PPP2R5A: variants seen among roughly 807,000 people sequenced by gnomAD.
PPP2R5A encodes the protein serine/threonine-protein phosphatase 2A 56 kDa regulatory subunit alpha isoform.
A neutral mutation model predicts 64.2 loss-of-function variants in PPP2R5A; 25 were observed. The ratio of observed to expected loss-of-function variants is 0.39; its 90% CI spans 0.28 to 0.54. PPP2R5A has a LOEUF of 0.54. PPP2R5A is among the 20% of genes least tolerant of loss of function. PPP2R5A has a pLI of 0.67. For missense variants in PPP2R5A, 425 were observed against 576.3 expected, an observed-to-expected ratio of 0.74 and a Z score of 2.69; for synonymous variants, 198 against 201.2, an observed-to-expected ratio of 0.98 and a Z score of 0.13.
At chr1:212,316,452 C>T (rs1389282778) in intron 1 of PPP2R5A, among the ~76,000 whole-genome samples, 2 of 152,142 alleles carry the variant, frequency 1.3e-5, no homozygotes, top group Non-Finnish European at 2.9e-5. Flanking sequence ...CTTCCTGAAC[C>T]TCTGTACTTA....
At position 212,285,428 on chromosome 1, in the gene PPP2R5A, CCTT is replaced by C. The variant is rs2102407071; in HGVS notation, c.-680_-678del. 1 of 152,434 alleles carries C rather than the reference CCTT, an allele frequency of 6.6e-6. No individual in the cohort carries two copies. Among genetic ancestry groups the C allele is most frequent in the East Asian group, 1.9e-4 (1 of 5,170 alleles). 9.4% of individuals were successfully genotyped at this position (152,434 alleles called of 1,614,324 possible). The stretch of plus-strand genomic sequence containing the variant: ...ACTCCCCAGTCGCCTGTACCAACCA[CCTT>C]CTCAAGTTGTAGCGGTCGCTCGCCT... On this transcript the variant is annotated 5_prime_UTR_variant, in exon 1 of 13. Transcript: ENST00000261461.
chr1:212,286,071 C>G lies in PPP2R5A; in HGVS notation c.-40C>G. The G allele has an allele frequency of 6.7e-7, 1 of 1,499,032 alleles. No homozygotes were observed. The highest frequency in any genetic ancestry group is 8.9e-7 in the Non-Finnish European group (1 of 1,127,692). The allele number at this position is 1,499,032 out of a possible 1,614,324, so 92.9% of individuals were successfully genotyped here. A position where few individuals can be genotyped will look rare whatever the true frequency, so the allele number is the denominator to read the frequency against. On this transcript the variant is annotated 5_prime_UTR_variant, in exon 1 of 13. Transcript: ENST00000261461. ...CGTCTCCGCCGCTGCCCGTGCCTTGCAAGCAGCAGCCGGAGCTGCCAAGCG... is the reference window on the plus strand; with the variant it reads ...CGTCTCCGCCGCTGCCCGTGCCTTGGAAGCAGCAGCCGGAGCTGCCAAGCG...
At chr1:212,329,081 A>G in intron 1 of PPP2R5A, 54 bp from the exon 2 acceptor site, 1 of 1,253,842 alleles carries the variant, frequency 8.0e-7, no homozygotes, top group Non-Finnish European at 1.1e-6. Flanking sequence ...ATAAATATAT[A>G]AAAGTAACTT....
chr1:212,329,559 G>C (rs1352299151), intron 2 of PPP2R5A, among the ~76,000 whole-genome samples: 2 of 152,192 alleles, frequency 1.3e-5, no homozygotes, highest in African/African-American at 4.8e-5. Flanking sequence ...TGCAGATCTA[G>C]AGCTTAAGAG....
chr1:212,356,108 T>C lies in PPP2R5A; in HGVS notation c.928-518T>C, dbSNP rs1354307458. ...AAATAGTCTCTTTTGTTTCATTGTA[T>C]TCTGGTTATAAAGATTGTGCTAGCC... On this transcript the variant is annotated intron_variant, in intron 8 of 12. Coordinates refer to ENST00000261461, the MANE Select transcript of PPP2R5A (RefSeq NM_006243.4). 4.6e-5 allele frequency among the ~76,000 whole-genome samples: 7 copies of C among 152,214 alleles called. No homozygotes were observed. The East Asian group carries it at 1.4e-3, about 29-fold the overall frequency.
At chr1:212,330,595 T>C (rs1659486834) in intron 2 of PPP2R5A, among the ~76,000 whole-genome samples, 1 of 151,498 alleles carries the variant, frequency 6.6e-6, no homozygotes, top group South Asian at 2.1e-4. Flanking sequence ...AGAGAGTCGC[T>C]GAGTACATAA....
chr1:212,292,239 T>C (rs1201132807), intron 1 of PPP2R5A, among the ~76,000 whole-genome samples: 3 of 152,234 alleles, frequency 2.0e-5, no homozygotes, highest in Non-Finnish European at 4.4e-5. Flanking sequence ...CTATTTTGTC[T>C]TTGTCTTTTC....
chr1:212,356,294 A>G (rs138715009), intron 8 of PPP2R5A, among the ~76,000 whole-genome samples: 4 of 152,248 alleles, frequency 2.6e-5, no homozygotes, highest in African/African-American at 7.2e-5. Flanking sequence ...AGCACATACT[A>G]TTAAATTGTT....
At chr1:212,331,110 G>T (rs1430048491) in intron 2 of PPP2R5A, among the ~76,000 whole-genome samples, 1 of 150,432 alleles carries the variant, frequency 6.6e-6, no homozygotes, top group Non-Finnish European at 1.5e-5. Context: ...GGAGGTTGCA[G>T]TGGGCCAAGA....
At chr1:212,310,573 C>A (rs550691200) in intron 1 of PPP2R5A, among the ~76,000 whole-genome samples, 1 of 152,190 alleles carries the variant, frequency 6.6e-6, no homozygotes, top group Non-Finnish European at 1.5e-5. Flanking sequence ...ATGCTTCTTT[C>A]TGAAACCCTG....
intron 1 of PPP2R5A, among the ~76,000 whole-genome samples, chr1:212,306,363 G>T (rs1252630048): frequency 6.6e-6 from 1 of 150,770 alleles, no homozygotes; most frequent in African/African-American, 2.4e-5. Flanking sequence ...AATGGAGGGG[G>T]GGTAACTACG....
At chr1:212,354,221 T>C (rs1305920234) in intron 8 of PPP2R5A, among the ~76,000 whole-genome samples, 2 of 151,892 alleles carry the variant, frequency 1.3e-5, no homozygotes, top group Non-Finnish European at 2.9e-5. Flanking sequence ...AGGCTACATA[T>C]AAAATGTCAG....
Position 212,315,365 on chromosome 1 carries a change from C to T in PPP2R5A, c.182-13770C>T, listed in dbSNP as rs113326520. ...TTACTGTCTATTGAGAGTGTACTAA[C>T]ATCCCTGTGTGGTTGAGAATGAGGT... is the stretch of plus-strand genomic sequence containing the variant. On this transcript the variant is annotated intron_variant, in intron 1 of 12. Coordinates refer to ENST00000261461, the MANE Select transcript of PPP2R5A (RefSeq NM_006243.4). Among the ~76,000 whole-genome samples the T allele has an allele frequency of 2.4e-3, 362 of 152,292 alleles. 3 individuals carry two copies. Among genetic ancestry groups the T allele is most frequent in the African/African-American group, 8.3e-3 (347 of 41,558 alleles).
chr1:212,354,609 A>G (rs2102449147), intron 8 of PPP2R5A, among the ~76,000 whole-genome samples: 1 of 152,022 alleles, frequency 6.6e-6, no homozygotes, highest in Middle Eastern at 3.4e-3. Flanking sequence ...ATTTAAGCCT[A>G]GGAGTTCAAG....
chr1:212,329,310 G>A lies in PPP2R5A; in HGVS notation c.357G>A (p.Ala119=), dbSNP rs538133479. ...STNRGVIVES[A]YSDIVKMISA... Reference sequence around the variant, plus strand: ...ATCGTGGTGTAATTGTTGAATCAGCGTATTCTGATATAGTAAAAATGGTAA... The same window carrying A: ...ATCGTGGTGTAATTGTTGAATCAGCATATTCTGATATAGTAAAAATGGTAA... The change falls in exon 2 of 13, where the codon GCG becomes GCA. Residue 119 remains alanine, a synonymous_variant. Transcript: ENST00000261461. 4.8e-5 allele frequency: 77 copies of A among 1,600,792 alleles called. No homozygotes were observed. The highest frequency in any genetic ancestry group is 2.4e-4 in the South Asian group (21 of 87,982).
chr1:212,343,912 G>T (rs993378300), intron 4 of PPP2R5A, among the ~76,000 whole-genome samples: 1 of 152,142 alleles, frequency 6.6e-6, no homozygotes, highest in African/African-American at 2.4e-5. Context: ...GGTGGGGCAG[G>T]ATCTGTTTTC....
intron 1 of PPP2R5A, among the ~76,000 whole-genome samples, chr1:212,310,733 G>A (rs1659013734): frequency 6.6e-6 from 1 of 152,210 alleles, no homozygotes; most frequent in Admixed American, 6.5e-5. Context: ...TGCACAAAAG[G>A]TAGAGCCTCT....
chr1:212,339,948 A>G (rs1053708718), intron 3 of PPP2R5A, among the ~76,000 whole-genome samples: 1 of 146,076 alleles, frequency 6.8e-6, no homozygotes, highest in African/African-American at 2.6e-5. Flanking sequence ...ATTCCATACC[A>G]TCAACCTATA....
intron 1 of PPP2R5A, among the ~76,000 whole-genome samples, chr1:212,300,613 T>C (rs1658784668): frequency 6.6e-6 from 1 of 152,196 alleles, no homozygotes; most frequent in Non-Finnish European, 1.5e-5. Context: ...CTGTGTATGT[T>C]GTTCAATAGC....
Sources: gnomAD v4.1 joint callset for allele counts (sites outside exome capture counted in the v4.1 genomes callset) on GRCh38, gnomAD v4.1.1 for gene constraint, MANE v1.5 for transcripts, NCBI Gene and HGNC (gene_info 2026-07-23, HGNC 2026-07-21) for gene names.